Variants in MYG1 observed in about 807,000 individuals in gnomAD.
MYG1 encodes the protein UPF0160 protein MYG1, mitochondrial.
MYG1 carries 36 observed loss-of-function variants against 43.5 expected under a neutral mutation model. That is an observed-to-expected ratio of 0.83 (90% CI 0.63 to 1.09). The LOEUF (loss-of-function observed/expected upper bound fraction) is 1.09, where lower values mean the gene tolerates loss of function less well. Among genes scored for constraint, MYG1 ranks in the 50% least tolerant of loss-of-function variants. The pLI, the probability that MYG1 is intolerant of heterozygous loss-of-function variation, is 0.00. For synonymous variants in MYG1, 220 were observed against 202.8 expected (o/e 1.08, Z -0.72); for missense variants, 529 against 495.1 (o/e 1.07, Z -0.65).
rs1227079936 is a variant in MYG1, at chr12:53,299,800, C to A, written c.63C>A (p.Thr21=). ...TGCTGCCGCCGCCACCCCTGTATAC[C>A]CGGCACCGCATGCTCGGTCCAGAGT... ...TLLLPPPPLY[T]RHRMLGPESV... Residue 21 remains threonine (T), a synonymous_variant, in exon 1 of 7, where the codon ACC becomes ACA. Transcript: ENST00000267103. 3 of 1,614,116 alleles carry A rather than the reference C, an allele frequency of 1.9e-6. No homozygotes were observed. Among genetic ancestry groups the A allele is most frequent in the Non-Finnish European group, 1.7e-6 (2 of 1,180,006 alleles).
Position 53,300,156 on chromosome 12 carries a change from G to A in MYG1, c.223G>A (p.Glu75Lys), listed in dbSNP as rs1336798931. Residue 75 changes from glutamate (E) to lysine (K), a missense_variant, in exon 2 of 7, where the codon GAG becomes AAG. By Grantham distance (56) the Glu-to-Lys change is moderately conservative. Transcript: ENST00000267103. ...ACCCCTGTGTACCTCGCAGGATGCA[G>A]AGATTGTGCGGACCCGGGATCCCGA... ...LRLLPEYRDA[E>K]IVRTRDPEKL... is the part of the protein sequence containing the mutation. 3.8e-6 allele frequency: 6 copies of A among 1,599,046 alleles called. No individual in the cohort carries two copies. The Admixed American group carries it at 8.6e-5, about 23-fold the overall frequency.
rs1944270633 is a variant in MYG1, at chr12:53,305,789, G to C, written c.490-119G>C. On this transcript the variant is annotated intron_variant, in intron 3 of 6. Coordinates refer to ENST00000267103, the MANE Select transcript of MYG1 (RefSeq NM_021640.4). ...TGCCAATTCTCCCTTTTCTCATCCA[G>C]TTAATGTTGAGAGATCCTCACAGGG... The C allele has an allele frequency of 9.1e-6, 12 of 1,315,142 alleles. No individual in the cohort carries two copies. The South Asian group carries it at 1.6e-4, about 17-fold the overall frequency. 81.5% of individuals were successfully genotyped at this position (1,315,142 alleles called of 1,614,324 possible).
Position 53,303,118 on chromosome 12 carries a change from C to A in MYG1, c.414C>A (p.His138Gln), listed in dbSNP as rs1199472116. ...GCAGTGCGGGACTCATCTATCTGCACTTCGGGCACAAGCTGCTGGCCCAGT... is the reference window on the plus strand; with the variant it reads ...GCAGTGCGGGACTCATCTATCTGCAATTCGGGCACAAGCTGCTGGCCCAGT... Reference protein sequence around the residue: ...KLSSAGLIYLHFGHKLLAQLL... With the variant: ...KLSSAGLIYLQFGHKLLAQLL... Residue 138 changes from histidine (H) to glutamine (Q), a missense_variant, in exon 3 of 7, where the codon CAC becomes CAA. By Grantham distance (24) the His-to-Gln change is conservative. Transcript: ENST00000267103. The A allele has an allele frequency of 1.9e-6, 3 of 1,614,046 alleles. No individual in the cohort carries two copies. The African/African-American group carries it at 4.0e-5, about 22-fold the overall frequency.
At chr12:53,305,791 T>TA in intron 3 of MYG1, 117 bp from the exon 4 acceptor site, 1 of 1,319,496 alleles carries the variant, frequency 7.6e-7, no homozygotes, top group Non-Finnish European at 1.0e-6. Flanking sequence ...CTCATCCAGT[T>TA]AATGTTGAGA....
At chr12:53,305,884 A>T (rs778410807) in intron 3 of MYG1, 24 bp from the exon 4 acceptor site, 1 of 1,563,208 alleles carries the variant, frequency 6.4e-7, no homozygotes, top group Admixed American at 1.9e-5. Context: ...AGCCTCAAGA[A>T]GGTTTCCCCT....
At position 53,299,709 on chromosome 12, in the gene MYG1, C is replaced by T. The variant is rs1338880482; in HGVS notation, c.-29C>T. The stretch of plus-strand genomic sequence containing the variant: ...GCTGGCGCTTCCTCTTCCGGGTCGG[C>T]GCTCCTGCCTCCCTGCAGGGAGCTG... On this transcript the variant is annotated 5_prime_UTR_variant, in exon 1 of 7. Coordinates refer to ENST00000267103, the MANE Select transcript of MYG1 (RefSeq NM_021640.4). 4 of 1,581,546 alleles carry T rather than the reference C, an allele frequency of 2.5e-6. No homozygotes were observed. Among genetic ancestry groups the T allele is most frequent in the Admixed American group, 3.5e-5 (2 of 56,572 alleles).
At chr12:53,304,861 GTT>G (rs71068106) in intron 3 of MYG1, among the ~76,000 whole-genome samples, 1 of 78,222 alleles carries the variant, frequency 1.3e-5, no homozygotes, top group Non-Finnish European at 2.5e-5. Context: ...CTAAACCCAT[GTT>G]TTTTTTTTTT....
In MYG1 at chr12:53,306,020, G is replaced by T. The variant is rs374431799; in HGVS notation, c.602G>T (p.Arg201Leu). ...ACTACCCTGAGTGCACGAGTTGCTC[G>T]ACTTAATCCTACCTGGAACCACCCC... is the stretch of plus-strand genomic sequence containing the variant. ...LTTTLSARVA[R>L]LNPTWNHPDQ... The change falls in exon 4 of 7, where the codon CGA becomes CTA. Residue 201 changes from arginine (R) to leucine (L), a missense_variant. Coordinates refer to ENST00000267103, the MANE Select transcript of MYG1 (RefSeq NM_021640.4). The T allele has an allele frequency of 1.9e-6, 3 of 1,614,000 alleles. No homozygotes were observed. Among genetic ancestry groups the T allele is most frequent in the Non-Finnish European group, 8.5e-7 (1 of 1,179,960 alleles).
chr12:53,304,298 T>G (rs1037777281), intron 3 of MYG1, among the ~76,000 whole-genome samples: 32 of 151,606 alleles, frequency 2.1e-4, no homozygotes, highest in African/African-American at 7.8e-4. Context: ...TTTTTTTTGT[T>G]TTTTTGAGAC....
intron 2 of MYG1, 53 bp from the exon 3 acceptor site, chr12:53,302,981 G>A: frequency 6.6e-7 from 1 of 1,505,510 alleles, no homozygotes; most frequent in South Asian, 1.3e-5. Flanking sequence ...ATGAATGCAT[G>A]GAGACTCTAG....
At chr12:53,305,545 C>T (rs957549850) in intron 3 of MYG1, among the ~76,000 whole-genome samples, 13 of 152,178 alleles carry the variant, frequency 8.5e-5, no homozygotes, top group Non-Finnish European at 1.6e-4. Flanking sequence ...ACTCACCCCA[C>T]CTGGAGATTT....
intron 5 of MYG1, 94 bp from the exon 6 acceptor site, chr12:53,306,586 C>A: frequency 7.4e-7 from 1 of 1,358,442 alleles, no homozygotes; most frequent in Non-Finnish European, 1.0e-6. Flanking sequence ...TCAACTGATC[C>A]TCCCACCTCA....
Position 53,299,943 on chromosome 12 carries a change from C to G in MYG1, c.206C>G (p.Pro69Arg), listed in dbSNP as rs200943581. Residue 69 changes from proline (P) to arginine (R), a missense_variant, in exon 1 of 7, where the codon CCG (proline) becomes CGG (arginine). Physicochemically the swap from Pro to Arg is moderately radical, Grantham distance 103 (BLOSUM62 -2). Transcript: ENST00000267103. ...GCATGCGCACTGCTTCGCCTCCTGC[C>G]GGAGTACCGGGTACGGTCCGCGAAA... Reference protein sequence around the residue: ...ALACALLRLLPEYRDAEIVRT... With the variant: ...ALACALLRLLREYRDAEIVRT... 6.2e-7 allele frequency: 1 copy of G among 1,614,064 alleles called. No homozygotes were observed. The highest frequency in any genetic ancestry group is 1.3e-5 in the African/African-American group (1 of 74,936).
intron 2 of MYG1, among the ~76,000 whole-genome samples, chr12:53,300,958 C>T (rs1361462015): frequency 1.4e-5 from 2 of 147,488 alleles, no homozygotes; most frequent in African/African-American, 5.0e-5. Context: ...CTCCCACTGT[C>T]GCCCAAGCTG....
At position 53,299,760 on chromosome 12, in the gene MYG1, G is replaced by C; in HGVS notation, c.23G>C (p.Gly8Ala). ...CTTATGGGACACCAATTCCTGCGCGGCCTCTTAACGCTGCTGCTGCCGCCG... is the reference window on the plus strand; with the variant it reads ...CTTATGGGACACCAATTCCTGCGCGCCCTCTTAACGCTGCTGCTGCCGCCG... MGHQFLRGLLTLLLPPPP... is the reference protein window; with the variant it reads MGHQFLRALLTLLLPPPP... The change falls in exon 1 of 7, where the codon GGC becomes GCC. Residue 8 changes from glycine (G) to alanine (A), a missense_variant. Gly to Ala is a moderately conservative substitution (Grantham distance 60, BLOSUM62 0). Coordinates refer to ENST00000267103, the MANE Select transcript of MYG1 (RefSeq NM_021640.4). 2 of 1,613,770 alleles carry C rather than the reference G, an allele frequency of 1.2e-6. No individual in the cohort carries two copies. The highest frequency in any genetic ancestry group is 1.7e-6 in the Non-Finnish European group (2 of 1,179,888).
At chr12:53,305,423 T>C (rs980149662) in intron 3 of MYG1, among the ~76,000 whole-genome samples, 1 of 152,190 alleles carries the variant, frequency 6.6e-6, no homozygotes, top group African/African-American at 2.4e-5. Context: ...CCTGGAACCC[T>C]AACCCAGCAA....
chr12:53,302,874 A>G (rs1475705439), intron 2 of MYG1, among the ~76,000 whole-genome samples, 160 bp from the exon 3 acceptor site: 2 of 152,134 alleles, frequency 1.3e-5, no homozygotes, highest in East Asian at 3.9e-4. Context: ...CCTCCGGCAG[A>G]TGAATCTGAA....
intron 3 of MYG1, chr12:53,303,426 G>A: frequency 2.1e-6 from 1 of 477,344 alleles, no homozygotes; most frequent in Non-Finnish European, 3.7e-6. Context: ...ATGGGGAAGG[G>A]CTTTGAAAAC....
rs764901895 is a variant in MYG1 at position 53,299,814 on chromosome 12, T to C, written c.77T>C (p.Leu26Pro). 39 of 1,613,952 alleles carry C rather than the reference T, an allele frequency of 2.4e-5. No individual in the cohort carries two copies. Among genetic ancestry groups the C allele is most frequent in the Admixed American group, 3.3e-5 (2 of 59,998 alleles). ...CCCCTGTATACCCGGCACCGCATGC[T>C]CGGTCCAGAGTCCGTCCCGCCCCCA... ...PPPLYTRHRM[L>P]GPESVPPPKR... Residue 26 changes from leucine (L) to proline (P), a missense_variant, in exon 1 of 7, where the codon CTC becomes CCC. Coordinates refer to ENST00000267103, the MANE Select transcript of MYG1 (RefSeq NM_021640.4).
Sources: gnomAD v4.1 joint callset for allele counts (sites outside exome capture counted in the v4.1 genomes callset) on GRCh38, gnomAD v4.1.1 for gene constraint, MANE v1.5 for transcripts, NCBI Gene and HGNC (gene_info 2026-07-23, HGNC 2026-07-21) for gene names.